The following DCUN1D4 variants were observed in gnomAD, a reference collection of about 807,000 sequenced individuals.
DCUN1D4 encodes the protein defective in cullin neddylation 1 domain containing 4.
In DCUN1D4, 22 loss-of-function variants were observed where a neutral mutation model predicts 47.9. The ratio of observed to expected loss-of-function variants is 0.46; its 90% CI spans 0.33 to 0.66. The LOEUF is 0.66. Ranked by LOEUF, DCUN1D4 falls within the 30% of genes least tolerant of loss-of-function variation. The pLI is 0.02. For synonymous variants in DCUN1D4, 121 were observed against 112.2 expected, an observed-to-expected ratio of 1.08 and a Z score of -0.50; for missense variants, 301 against 340.8, an observed-to-expected ratio of 0.88 and a Z score of 0.92.
intron 1 of DCUN1D4, among the ~76,000 whole-genome samples, chr4:51,845,461 T>G (rs1347319503): frequency 1.3e-5 from 2 of 152,204 alleles, no homozygotes; most frequent in Non-Finnish European, 2.9e-5. Context: ...TGGAGAACCA[T>G]AAGACTTTTT....
intron 8 of DCUN1D4, among the ~76,000 whole-genome samples, chr4:51,910,456 A>G (rs773961430): frequency 3.3e-5 from 5 of 152,092 alleles, no homozygotes; most frequent in Non-Finnish European, 7.4e-5. Flanking sequence ...CTATCTGTCT[A>G]TTGAAGGACT....
At chr4:51,853,560 A>G (rs1560455023) in intron 1 of DCUN1D4, among the ~76,000 whole-genome samples, 2 of 152,160 alleles carry the variant, frequency 1.3e-5, no homozygotes, top group South Asian at 2.1e-4. Context: ...TGGATTGGCT[A>G]CTGGCACGCC....
rs547263699 is a variant in DCUN1D4, at chr4:51,895,007, T to C, written c.506+3156T>C. On this transcript the variant is annotated intron_variant, in intron 7 of 10. Coordinates refer to ENST00000334635, the MANE Select transcript of DCUN1D4 (RefSeq NM_001040402.3). ...GGTGCCTTCTAACTGGGTCCTCCCA[T>C]GTTGGAAGGGGCAAACAAGCGCCCT... Among the ~76,000 whole-genome samples, 6 of 152,180 alleles carry C rather than the reference T, an allele frequency of 3.9e-5. No individual in the cohort carries two copies. In the East Asian group the frequency reaches 1.2e-3, roughly 30 times the overall value.
chr4:51,904,332 G>A (rs1194101187), intron 8 of DCUN1D4, among the ~76,000 whole-genome samples: 1 of 152,056 alleles, frequency 6.6e-6, no homozygotes, highest in Non-Finnish European at 1.5e-5. Flanking sequence ...ATAAACCCTG[G>A]GGACTTCTGC....
intron 1 of DCUN1D4, chr4:51,844,365 C>G: frequency 1.0e-6 from 1 of 984,762 alleles, no homozygotes; most frequent in Non-Finnish European, 1.2e-6. Flanking sequence ...AAGGTTGGAA[C>G]TGGCCGTGGT....
chr4:51,899,044 G>A (rs1578023201), intron 7 of DCUN1D4, among the ~76,000 whole-genome samples: 1 of 152,174 alleles, frequency 6.6e-6, no homozygotes, highest in East Asian at 1.9e-4. Flanking sequence ...ATATAAAAAA[G>A]GTTAATTGCT....
chr4:51,913,479 A>G, intron 10 of DCUN1D4, 50 bp from the exon 11 acceptor site: 1 of 1,555,894 alleles, frequency 6.4e-7, no homozygotes, highest in East Asian at 2.4e-5. Context: ...TACTATTATT[A>G]TTATTGTTAT....
Position 51,843,181 on chromosome 4 carries a change from T to C in DCUN1D4, c.-62T>C. ...TTCGAGCCGAGGTGCAGTGAGCTGG[T>C]GGGGGGACCGCGAGGCGAGCGCGGG... is the stretch of plus-strand genomic sequence containing the variant. On this transcript the variant is annotated 5_prime_UTR_variant, in exon 1 of 11. Transcript: ENST00000334635. 6.5e-7 allele frequency: 1 copy of C among 1,533,716 alleles called. No homozygotes were observed. The highest frequency in any genetic ancestry group is 8.8e-7 in the Non-Finnish European group (1 of 1,141,016).
At chr4:51,889,618 T>G (rs571673535) in intron 6 of DCUN1D4, among the ~76,000 whole-genome samples, 6 of 152,306 alleles carry the variant, frequency 3.9e-5, no homozygotes, top group African/African-American at 1.2e-4. Flanking sequence ...AACAAGTGTT[T>G]ATGTAGAATT....
At chr4:51,879,521 C>A (rs1728199656) in intron 5 of DCUN1D4, among the ~76,000 whole-genome samples, 1 of 152,192 alleles carries the variant, frequency 6.6e-6, no homozygotes, top group African/African-American at 2.4e-5. Flanking sequence ...GCAGGAGAAT[C>A]ACTCGAACCT....
chr4:51,868,569 T>C (rs1020629605), intron 3 of DCUN1D4, among the ~76,000 whole-genome samples: 7 of 152,170 alleles, frequency 4.6e-5, no homozygotes, highest in African/African-American at 1.7e-4. Context: ...CAACATAAAA[T>C]CTATGATGTT....
In DCUN1D4 at chr4:51,915,956, T is replaced by C. The variant is rs1161228639; in HGVS notation, c.*2372T>C. The C allele has an allele frequency of 6.6e-6, 1 of 152,334 alleles. No homozygotes were observed. Among genetic ancestry groups the C allele is most frequent in the Non-Finnish European group, 1.5e-5 (1 of 67,992 alleles). 9.4% of individuals were successfully genotyped at this position (152,334 alleles called of 1,614,324 possible). A position where few individuals can be genotyped will look rare whatever the true frequency, so the allele number is the denominator to read the frequency against. Reference sequence around the variant, plus strand: ...TGCTGAGCGGCAGAGTGCTTACCCTTGATTGTCTTGATTTTATATATTTAT... The same window carrying C: ...TGCTGAGCGGCAGAGTGCTTACCCTCGATTGTCTTGATTTTATATATTTAT... On this transcript the variant is annotated 3_prime_UTR_variant, in exon 11 of 11. Transcript: ENST00000334635.
At chr4:51,912,552 G>A (rs985775096) in intron 9 of DCUN1D4, among the ~76,000 whole-genome samples, 11 of 152,072 alleles carry the variant, frequency 7.2e-5, no homozygotes, top group Middle Eastern at 3.4e-3. Flanking sequence ...GATTTTAGTG[G>A]GGAAGATTTA....
chr4:51,906,100 G>A (rs573973199), intron 8 of DCUN1D4, among the ~76,000 whole-genome samples: 1 of 152,258 alleles, frequency 6.6e-6, no homozygotes, highest in African/African-American at 2.4e-5. Flanking sequence ...CGAATGAAGA[G>A]TCTTGTGGAG....
intron 3 of DCUN1D4, among the ~76,000 whole-genome samples, chr4:51,869,162 CAAAAATAAA>C (rs1228678292): frequency 7.1e-5 from 8 of 112,348 alleles, no homozygotes; most frequent in Non-Finnish European, 1.2e-4. Flanking sequence ...CAGAGAGGAC[CAAAAATAAA>C]AAAAATAAAA....
At chr4:51,856,419 GA>G (rs1724145995) in intron 1 of DCUN1D4, among the ~76,000 whole-genome samples, 1 of 152,102 alleles carries the variant, frequency 6.6e-6, no homozygotes, top group Admixed American at 6.5e-5. Flanking sequence ...TTCCCTGGGG[GA>G]AAAATGGTGA....
chr4:51,892,100 A>G (rs1252873284), intron 7 of DCUN1D4, among the ~76,000 whole-genome samples: 1 of 152,220 alleles, frequency 6.6e-6, no homozygotes, highest in Non-Finnish European at 1.5e-5. Context: ...AGCTCTCTCC[A>G]GGAGAAACAG....
At chr4:51,898,826 T>A (rs1731668923) in intron 7 of DCUN1D4, among the ~76,000 whole-genome samples, 1 of 152,230 alleles carries the variant, frequency 6.6e-6, no homozygotes, top group African/African-American at 2.4e-5. Context: ...GATCCTTGAT[T>A]GGATCCTGAT....
At chr4:51,862,907 A>G (rs1216087876) in intron 1 of DCUN1D4, among the ~76,000 whole-genome samples, 3 of 152,138 alleles carry the variant, frequency 2.0e-5, no homozygotes, top group African/African-American at 7.2e-5. Context: ...CCCAGCTACC[A>G]TGCAGGCTCA....
Sources: allele counts gnomAD v4.1 joint callset (sites outside exome capture counted in the v4.1 genomes callset), GRCh38; gene constraint gnomAD v4.1.1; transcripts MANE v1.5; gene names NCBI Gene and HGNC (gene_info 2026-07-23, HGNC 2026-07-21).